The following JADE3 variants were observed in gnomAD, a reference collection of about 807,000 sequenced individuals.
JADE3 encodes the protein protein Jade-3.
Under a neutral mutation model 50.1 loss-of-function variants are expected in JADE3, and 2 were observed. The observed-to-expected ratio is 0.04, with a 90% CI of 0.02 to 0.13. The LOEUF is 0.13. Ranked by LOEUF, JADE3 falls within the 10% of genes least tolerant of loss-of-function variation. The probability of loss-of-function intolerance (pLI) is 1.00; values close to 1 mark genes in which losing one functional copy is unlikely to be tolerated. For synonymous variants in JADE3, 218 were observed against 232.9 expected (o/e 0.94, Z 0.58); for missense variants, 475 against 634.4 (o/e 0.75, Z 2.70).
intron 1 of JADE3, among the ~76,000 whole-genome samples, chrX:46,984,299 C>A (rs1927817992): frequency 8.9e-6 from 1 of 111,872 alleles, no homozygotes; most frequent in Non-Finnish European, 1.9e-5. Context: ...AATATAGGAG[C>A]TTTGTTTAAC....
rs374307208 is a variant in JADE3 at position 47,009,129 on chromosome X, C to T, written c.284+10852C>T. On this transcript the variant is annotated intron_variant, in intron 4 of 10. Transcript: ENST00000614628. ...CTTGAGCCCAGGAGTTCAAGACCAGCTTGGGCAACATAGTGAGACCTCGTC... is the reference window on the plus strand; with the variant it reads ...CTTGAGCCCAGGAGTTCAAGACCAGTTTGGGCAACATAGTGAGACCTCGTC... 6.3e-5 allele frequency among the ~76,000 whole-genome samples: 7 copies of T among 110,429 alleles called. No individual in the cohort carries two copies. The South Asian group carries it at 1.6e-3, about 25-fold the overall frequency.
intron 1 of JADE3, among the ~76,000 whole-genome samples, chrX:46,919,287 C>T (rs1341847438): frequency 1.8e-5 from 2 of 111,614 alleles, no homozygotes; most frequent in East Asian, 2.8e-4. Flanking sequence ...TCACGAAAAC[C>T]CTAGTGTATT....
At chrX:47,042,990 G>A (rs1228773735) in intron 8 of JADE3, among the ~76,000 whole-genome samples, 2 of 111,741 alleles carry the variant, frequency 1.8e-5, no homozygotes, top group African/African-American at 6.5e-5. Flanking sequence ...TCCATCTCCA[G>A]GCAACTCAGC....
At chrX:46,917,116 G>A (rs190459604) in intron 1 of JADE3, among the ~76,000 whole-genome samples, 21 of 110,019 alleles carry the variant, frequency 1.9e-4, no homozygotes, top group Middle Eastern at 9.3e-3. Flanking sequence ...TATCTCTGAG[G>A]GTGGTAGTGA....
chrX:46,964,968 T>C (rs782666542), intron 1 of JADE3, among the ~76,000 whole-genome samples: 3 of 112,293 alleles, frequency 2.7e-5, no homozygotes, highest in South Asian at 3.7e-4. Context: ...TGAGGGCTTC[T>C]CGTCAAGATG....
At chrX:47,023,354 G>A (rs782377491) in intron 4 of JADE3, among the ~76,000 whole-genome samples, 1 of 111,388 alleles carries the variant, frequency 9.0e-6, no homozygotes, top group East Asian at 2.8e-4. Context: ...TTATAAGTGA[G>A]AACATGCAGG....
chrX:47,059,055 C>G lies in JADE3; in HGVS notation c.2450C>G (p.Ser817Cys). ...GGTAAAAGCAAGACACATCCCCTTTCCCACAGTTCAATGCAAAGGTGATTA... is the reference window on the plus strand; with the variant it reads ...GGTAAAAGCAAGACACATCCCCTTTGCCACAGTTCAATGCAAAGGTGATTA... ...CHGKSKTHPL[S>C]HSSMQR Residue 817 changes from serine (S) to cysteine (C), a missense_variant, in exon 11 of 11, where the codon TCC becomes TGC. Physicochemically the swap from Ser to Cys is moderately radical, Grantham distance 112. Around this residue, in one of 6 missense-constraint regions of JADE3, gnomAD observed 243 missense variants for 238.2 expected, o/e 1.02. Coordinates refer to ENST00000614628, the MANE Select transcript of JADE3 (RefSeq NM_014735.5). 1 of 1,197,121 alleles carries G rather than the reference C, an allele frequency of 8.4e-7. No individual in the cohort carries two copies. The highest frequency in any genetic ancestry group is 3.0e-5 in the East Asian group (1 of 33,793).
intron 4 of JADE3, among the ~76,000 whole-genome samples, chrX:46,999,359 G>A (rs782805556): frequency 1.0e-5 from 1 of 98,483 alleles, no homozygotes; most frequent in Non-Finnish European, 2.0e-5. Context: ...CAAACTTTTG[G>A]TGACACATTC....
chrX:47,024,936 A>G, intron 5 of JADE3, 22 bp downstream of exon 5: 1 of 968,017 alleles, frequency 1.0e-6, no homozygotes, highest in Non-Finnish European at 1.4e-6. Context: ...TCTCACAAGT[A>G]AGTTGTGACT....
At chrX:46,969,375 C>A (rs782485449) in intron 1 of JADE3, among the ~76,000 whole-genome samples, 1 of 111,443 alleles carries the variant, frequency 9.0e-6, no homozygotes, top group African/African-American at 3.3e-5. Context: ...GAGATCGTGC[C>A]ACTGCACTCC....
intron 3 of JADE3, among the ~76,000 whole-genome samples, chrX:46,989,698 C>T (rs1927941606): frequency 2.7e-5 from 3 of 111,504 alleles, no homozygotes; most frequent in African/African-American, 9.8e-5. Context: ...GGCTTATCCT[C>T]TTTGGGCTTT....
chrX:47,042,670 G>C (rs1322002650), intron 8 of JADE3, among the ~76,000 whole-genome samples: 3 of 112,009 alleles, frequency 2.7e-5, no homozygotes, highest in African/African-American at 9.7e-5. Flanking sequence ...TTGGGTGCCA[G>C]CTCAGCCACA....
In JADE3 at chrX:47,020,744, A is replaced by G. The variant is rs782037460; in HGVS notation, c.285-3980A>G. Among the ~76,000 whole-genome samples, 125 of 112,597 alleles carry G rather than the reference A, an allele frequency of 1.1e-3. 1 individual carries two copies. The highest frequency in any genetic ancestry group is 2.2e-3 in the Admixed American group (23 of 10,596). ...TTGCATCGAAGTATAATATCCACAC[A>G]GAAAAGTACACAAAGCTGTACAGCT... On this transcript the variant is annotated intron_variant, in intron 4 of 10. Transcript: ENST00000614628.
intron 1 of JADE3, among the ~76,000 whole-genome samples, chrX:46,956,291 G>A: frequency 9.0e-6 from 1 of 111,316 alleles, no homozygotes; most frequent in Admixed American, 9.5e-5. Flanking sequence ...CCTTGAACTC[G>A]TGACCTCAAG....
intron 1 of JADE3, 86 bp from the exon 2 acceptor site, chrX:46,984,798 A>G (rs1404821356): frequency 1.1e-5 from 7 of 629,541 alleles, no homozygotes; most frequent in South Asian, 2.5e-5. Context: ...GCTTGCTGCT[A>G]TTTCTGGGAT....
At chrX:47,002,595 T>G (rs782041233) in intron 4 of JADE3, among the ~76,000 whole-genome samples, 1 of 109,348 alleles carries the variant, frequency 9.1e-6, no homozygotes, top group East Asian at 2.8e-4. Context: ...TCATTGCTAG[T>G]ACATACAAAT....
rs143309546 is a variant in JADE3, at chrX:47,059,048, C to T, written c.2443C>T (p.Pro815Ser). ...TTGCCATGGTAAAAGCAAGACACATCCCCTTTCCCACAGTTCAATGCAAAG... is the reference window on the plus strand; with the variant it reads ...TTGCCATGGTAAAAGCAAGACACATTCCCTTTCCCACAGTTCAATGCAAAG... ...RDCHGKSKTH[P>S]LSHSSMQR The change falls in exon 11 of 11, where the codon CCC becomes TCC. Residue 815 changes from proline to serine, a missense_variant. Pro to Ser is a moderately conservative substitution (Grantham distance 74). Around this residue, in one of 6 missense-constraint regions of JADE3, gnomAD observed 243 missense variants for 238.2 expected, o/e 1.02. Coordinates refer to ENST00000614628, the MANE Select transcript of JADE3 (RefSeq NM_014735.5). The T allele has an allele frequency of 8.3e-7, 1 of 1,201,162 alleles. No individual in the cohort carries two copies. The highest frequency in any genetic ancestry group is 1.8e-5 in the South Asian group (1 of 55,856).
rs1278627118 is a variant in JADE3, at chrX:47,036,873, A to G, written c.856-2076A>G. ...CTATCGCAAGAACAAAAAACCAAAC[A>G]CCGCATATTCTCACTCATAGGTGGG... is the stretch of plus-strand genomic sequence containing the variant. On this transcript the variant is annotated intron_variant, in intron 7 of 10. Coordinates refer to ENST00000614628, the MANE Select transcript of JADE3 (RefSeq NM_014735.5). Among the ~76,000 whole-genome samples the G allele has an allele frequency of 8.8e-5, 7 of 79,578 alleles. No homozygotes were observed. In the East Asian group the frequency reaches 1.6e-3, roughly 18 times the overall value. The allele number at this position is 79,578 out of a possible 115,157, so 69.1% of individuals were successfully genotyped here.
At chrX:47,028,276 A>G (rs1928946727) in intron 6 of JADE3, among the ~76,000 whole-genome samples, 173 bp downstream of exon 6, 1 of 110,684 alleles carries the variant, frequency 9.0e-6, no homozygotes, top group African/African-American at 3.3e-5. Flanking sequence ...GACCCCCAAG[A>G]TGACTTGCTG....
Sources: allele counts gnomAD v4.1 joint callset (sites outside exome capture counted in the v4.1 genomes callset), GRCh38; gene constraint gnomAD v4.1.1; regional missense constraint gnomAD v4.1.1; transcripts MANE v1.5; gene names NCBI Gene and HGNC (gene_info 2026-07-23, HGNC 2026-07-21).